MDN1: variants seen among roughly 807,000 people sequenced by gnomAD.
MDN1 encodes midasin AAA ATPase 1.
A neutral mutation model predicts 669.2 loss-of-function variants in MDN1; 266 were observed. That is an observed-to-expected ratio of 0.40 (90% confidence interval 0.36 to 0.44). MDN1 has a LOEUF of 0.44. MDN1 is among the 20% of genes least tolerant of loss of function. MDN1 has a pLI of 1.00. For missense variants in MDN1, 5,940 were observed against 6,754.0 expected, an observed-to-expected ratio of 0.88 and a Z score of 4.22; for synonymous variants, 2,385 against 2,457.1, an observed-to-expected ratio of 0.97 and a Z score of 0.87.
At chr6:89,754,544 T>C (rs1396222644) in intron 20 of MDN1, among the ~76,000 whole-genome samples, 7 of 152,196 alleles carry the variant, frequency 4.6e-5, no homozygotes, top group Non-Finnish European at 1.0e-4. Flanking sequence ...CTGTTCAAGC[T>C]TAAGGGACAA....
rs1562048664 is a variant in MDN1, at chr6:89,661,433, TCTC to T, written c.14708_14710del (p.Gly4903del). The T allele has an allele frequency of 1.2e-6, 2 of 1,610,916 alleles. No homozygotes were observed. The highest frequency in any genetic ancestry group is 1.7e-6 in the Non-Finnish European group (2 of 1,179,124). On this transcript the variant is annotated inframe_deletion, in exon 88 of 102. Transcript: ENST00000369393. Reference sequence around the variant, plus strand: ...CTCTTTGTTTCTGAAAGACGCACCTTCTCCTTCTTCATTGTCGGTGTCCTCACC... The same window carrying T: ...CTCTTTGTTTCTGAAAGACGCACCTTCTTCTTCATTGTCGGTGTCCTCACC...
chr6:89,674,231 G>A lies in MDN1; in HGVS notation c.13120C>T (p.Arg4374Trp), dbSNP rs753798288. Residue 4374 changes from arginine to tryptophan, a missense_variant, in exon 79 of 102, where the codon CGG becomes TGG. Coordinates refer to ENST00000369393, the MANE Select transcript of MDN1 (RefSeq NM_014611.3). ...TGTTGCCAAAGGTGATCCTGTTTCC[G>A]CATCCGGCAACCAGAGGGCAGCTGA... ...GSQLPSGCRMRKQDHLWQQST... is the reference protein window; with the variant it reads ...GSQLPSGCRMWKQDHLWQQST... 34 of 1,614,062 alleles carry A rather than the reference G, an allele frequency of 2.1e-5. No individual in the cohort carries two copies. In the East Asian group the frequency reaches 2.4e-4, roughly 12 times the overall value.
At chr6:89,750,916 G>T (rs200226593) in intron 23 of MDN1, among the ~76,000 whole-genome samples, 26 of 148,806 alleles carry the variant, frequency 1.7e-4, no homozygotes, top group East Asian at 7.9e-4. Context: ...TATTATTTTG[G>T]TTTTTTTTTT....
intron 65 of MDN1, among the ~76,000 whole-genome samples, 167 bp from the exon 66 acceptor site, chr6:89,688,975 T>A (rs1191088002): frequency 1.3e-5 from 2 of 152,060 alleles, no homozygotes; most frequent in Non-Finnish European, 2.9e-5. Flanking sequence ...TTTGAGACCA[T>A]CCTGGCCAAC....
chr6:89,666,393 T>TAGCTGGGATTAC (rs1442223230), intron 84 of MDN1, among the ~76,000 whole-genome samples: 2 of 152,178 alleles, frequency 1.3e-5, no homozygotes, highest in Non-Finnish European at 2.9e-5. Flanking sequence ...AGCTTCCGAG[T>TAGCTGGGATTAC]AGCTGGGATT....
At chr6:89,772,437 T>C (rs1039752713) in intron 14 of MDN1, 136 bp downstream of exon 14, 1 of 889,710 alleles carries the variant, frequency 1.1e-6, no homozygotes, top group Admixed American at 2.6e-5. Flanking sequence ...ACAGTAGTTA[T>C]TTCCAGGCAG....
Position 89,698,578 on chromosome 6 carries a change from A to T in MDN1, c.9168+287T>A, listed in dbSNP as rs151039794. On this transcript the variant is annotated intron_variant, in intron 59 of 101. Coordinates refer to ENST00000369393, the MANE Select transcript of MDN1 (RefSeq NM_014611.3). ...TTCTAATGAATTCTGTATTATATATACATATATCTGCACTGTTTAAATGTT... is the reference window on the plus strand; with the variant it reads ...TTCTAATGAATTCTGTATTATATATTCATATATCTGCACTGTTTAAATGTT... Among the ~76,000 whole-genome samples the T allele has an allele frequency of 5.1e-4, 78 of 152,356 alleles. No homozygotes were observed. In the East Asian group the frequency reaches 0.014, roughly 27 times the overall value.
chr6:89,728,787 T>A, intron 36 of MDN1, 144 bp downstream of exon 36: 1 of 864,636 alleles, frequency 1.2e-6, no homozygotes, highest in Non-Finnish European at 1.7e-6. Flanking sequence ...AACGAGACTC[T>A]GTCTCAAAAA....
Position 89,695,748 on chromosome 6 carries a change from T to C in MDN1, c.9628A>G (p.Ser3210Gly), listed in dbSNP as rs766866550. The C allele has an allele frequency of 5.3e-5, 86 of 1,613,504 alleles. No individual in the cohort carries two copies. Among genetic ancestry groups the C allele is most frequent in the Non-Finnish European group, 7.3e-5 (86 of 1,179,988 alleles). ...SLHHFVGEGE[S>G]KRSLPEPAQR... ...GCTGGCTCAGGCAGGCTCCTCTTAC[T>C]CTCCCCTTCACCAACAAAGTGGTGC... The change falls in exon 61 of 102, where the codon AGT becomes GGT. Residue 3210 changes from serine (S) to glycine (G), a missense_variant. By Grantham distance (56) the Ser-to-Gly change is moderately conservative. This residue lies in a region of MDN1 where 2,292 missense variants were observed against 2,638.3 expected (regional missense o/e 0.87). Transcript: ENST00000369393. This position sits in a 1 kb window ranked among gnomAD's most constrained non-coding sequence, Gnocchi z 4.1.
At chr6:89,783,478 G>C (rs9344959) in intron 9 of MDN1, among the ~76,000 whole-genome samples, 130,181 of 152,194 alleles carry the variant, frequency 0.86, 55,851 homozygotes, top group African/African-American at 0.91. Context: ...TGAACATAGA[G>C]CCTTATCAGT....
intron 85 of MDN1, 107 bp downstream of exon 85, chr6:89,664,380 A>G (rs915910584): frequency 5.4e-5 from 76 of 1,418,166 alleles, no homozygotes; most frequent in Non-Finnish European, 7.2e-5. Flanking sequence ...ACAGTAACCA[A>G]CTTGTTTCAA....
chr6:89,751,483 T>A lies in MDN1; in HGVS notation c.3175A>T (p.Thr1059Ser). ...CTCAGGTTCAGCTTCACAGAAGATG[T>A]CAGAATGTACGTCTCATCTATTGTA... ...EPTIDETYILTSSVKLNLRDI... is the reference protein window; with the variant it reads ...EPTIDETYILSSSVKLNLRDI... Residue 1059 changes from threonine to serine, a missense_variant, in exon 23 of 102, where the codon ACA becomes TCA. Thr to Ser is a moderately conservative substitution (Grantham distance 58). Around this residue, in one of 5 missense-constraint regions of MDN1, gnomAD observed 1,203 missense variants for 1,268.9 expected, o/e 0.95. Coordinates refer to ENST00000369393, the MANE Select transcript of MDN1 (RefSeq NM_014611.3). The A allele has an allele frequency of 1.2e-6, 2 of 1,614,162 alleles. No individual in the cohort carries two copies. Among genetic ancestry groups the A allele is most frequent in the Non-Finnish European group, 1.7e-6 (2 of 1,180,018 alleles).
chr6:89,700,807 A>G lies in MDN1; in HGVS notation c.8477T>C (p.Val2826Ala). 1 of 1,614,188 alleles carries G rather than the reference A, an allele frequency of 6.2e-7. No homozygotes were observed. The highest frequency in any genetic ancestry group is 8.5e-7 in the Non-Finnish European group (1 of 1,180,016). ...AGACATCTGCTCCCTGATGGCAAGG[A>G]CTTTGTTAAGGACCTTCAGTTGTGA... Reference protein sequence around the residue: ...CFSQLKVLNKVLAIREQMSAL... With the variant: ...CFSQLKVLNKALAIREQMSAL... The change falls in exon 56 of 102, where the codon GTC becomes GCC. Residue 2826 changes from valine to alanine, a missense_variant. Physicochemically the swap from Val to Ala is moderately conservative, Grantham distance 64. Transcript: ENST00000369393.
intron 7 of MDN1, 62 bp from the exon 8 acceptor site, chr6:89,788,019 A>G (rs1819056777): frequency 1.5e-6 from 2 of 1,373,088 alleles, no homozygotes; most frequent in Admixed American, 3.9e-5. Flanking sequence ...AATAATCAAA[A>G]CAAAACAACC....
At chr6:89,671,808 C>A (rs1277477017) in intron 82 of MDN1, among the ~76,000 whole-genome samples, 1 of 152,212 alleles carries the variant, frequency 6.6e-6, no homozygotes, top group African/African-American at 2.4e-5. Flanking sequence ...TCTGGACTTA[C>A]TGTAAAGACT....
In MDN1 at chr6:89,750,638, T is replaced by C. The variant is rs922205843; in HGVS notation, c.3228-106A>G. 1.4e-5 allele frequency: 16 copies of C among 1,139,702 alleles called. No individual in the cohort carries two copies. In the African/African-American group the frequency reaches 2.0e-4, roughly 14 times the overall value. 70.6% of individuals were successfully genotyped at this position (1,139,702 alleles called of 1,614,324 possible). ...TTTTGTTTGACAAAGGGTTTCACTCTGTTGCCCAGGCTGAAGTATGGTGGT... is the reference window on the plus strand; with the variant it reads ...TTTTGTTTGACAAAGGGTTTCACTCCGTTGCCCAGGCTGAAGTATGGTGGT... On this transcript the variant is annotated intron_variant, in intron 23 of 101. Coordinates refer to ENST00000369393, the MANE Select transcript of MDN1 (RefSeq NM_014611.3).
chr6:89,694,150 T>C lies in MDN1; in HGVS notation c.9805A>G (p.Asn3269Asp), dbSNP rs1461927872. 6.2e-7 allele frequency: 1 copy of C among 1,614,034 alleles called. No individual in the cohort carries two copies. The highest frequency in any genetic ancestry group is 8.5e-7 in the Non-Finnish European group (1 of 1,180,032). The change falls in exon 62 of 102, where the codon AAC becomes GAC. Residue 3269 changes from asparagine (N) to aspartate (D), a missense_variant. Asn to Asp is a conservative substitution (Grantham distance 23). This residue lies in a region of MDN1 where 2,292 missense variants were observed against 2,638.3 expected (regional missense o/e 0.87). Coordinates refer to ENST00000369393, the MANE Select transcript of MDN1 (RefSeq NM_014611.3). Reference protein sequence around the residue: ...HQLQCEWKTRNLSSQLQTGRD... With the variant: ...HQLQCEWKTRDLSSQLQTGRD... ...CCAGTCTGCAGCTGGGATGACAGGT[T>C]CCGGGTCTTCCATTCACACTGCAGT...
rs777555517 is a variant in MDN1, at chr6:89,743,175, C to T, written c.4423G>A (p.Asp1475Asn). The T allele has an allele frequency of 6.2e-7, 1 of 1,614,016 alleles. No homozygotes were observed. Among genetic ancestry groups the T allele is most frequent in the African/African-American group, 1.3e-5 (1 of 74,904 alleles). Residue 1475 changes from aspartate (D) to asparagine (N), a missense_variant, in exon 31 of 102, where the codon GAC becomes AAC. Physicochemically the swap from Asp to Asn is conservative, Grantham distance 23. Transcript: ENST00000369393. ...CTGTTGAGTCTTTCCAAGACAGAGTCATCGGCCAATGAGATCTCATCCAAG... is the reference window on the plus strand; with the variant it reads ...CTGTTGAGTCTTTCCAAGACAGAGTTATCGGCCAATGAGATCTCATCCAAG... ...FLLDEISLADDSVLERLNSVL... is the reference protein window; with the variant it reads ...FLLDEISLADNSVLERLNSVL...
chr6:89,788,607 C>A (rs1011473581), intron 7 of MDN1, among the ~76,000 whole-genome samples: 1 of 152,144 alleles, frequency 6.6e-6, no homozygotes, highest in Non-Finnish European at 1.5e-5. Context: ...CTGTGCTGAG[C>A]TAAGGGCTTT....
Sources: gnomAD v4.1 joint callset for allele counts (sites outside exome capture counted in the v4.1 genomes callset) on GRCh38, gnomAD v4.1.1 for gene constraint, gnomAD v4.1.1 regional missense constraint, Gnocchi (gnomAD v3.1) non-coding constraint, MANE v1.5 for transcripts, NCBI Gene and HGNC (gene_info 2026-07-23, HGNC 2026-07-21) for gene names.